The following FUT9 variants were observed in gnomAD, a reference collection of about 807,000 sequenced individuals.
FUT9 encodes the protein 4-galactosyl-N-acetylglucosaminide 3-alpha-L-fucosyltransferase 9.
In FUT9, 15 loss-of-function variants were observed where a neutral mutation model predicts 29.7. The ratio of observed to expected loss-of-function variants is 0.51; its 90% CI spans 0.34 to 0.78. FUT9 has a LOEUF of 0.78. FUT9 is among the 30% of genes least tolerant of loss of function. The probability of loss-of-function intolerance (pLI) is 0.01; values close to 1 mark genes in which losing one functional copy is unlikely to be tolerated. For synonymous variants in FUT9, 169 were observed against 153.7 expected (o/e 1.10, Z -0.74); for missense variants, 319 against 425.4 (o/e 0.75, Z 2.20).
intron 2 of FUT9, among the ~76,000 whole-genome samples, chr6:96,120,269 C>CTTTTTTTTTTTTTTTTTTTTT (rs11347804): frequency 8.7e-5 from 8 of 91,470 alleles, no homozygotes; most frequent in Non-Finnish European, 1.3e-4. Flanking sequence ...TTTTTTCTTT[C>CTTTTTTTTTTTTTTTTTTTTT]TTTTTTTTTT....
intron 1 of FUT9, among the ~76,000 whole-genome samples, chr6:96,058,468 C>CAAA (rs3079049): frequency 0.017 from 1,285 of 77,150 alleles, 93 homozygotes; most frequent in African/African-American, 0.07. Flanking sequence ...GGCTTTATTC[C>CAAA]AAAAAAAAAA....
At chr6:96,060,174 T>C (rs1770847806) in intron 1 of FUT9, among the ~76,000 whole-genome samples, 2 of 152,194 alleles carry the variant, frequency 1.3e-5, no homozygotes, top group Non-Finnish European at 2.9e-5. Flanking sequence ...CCTTTCCATT[T>C]AGTGTCAAAC....
chr6:96,108,536 A>T (rs1044579325), intron 1 of FUT9, among the ~76,000 whole-genome samples: 1 of 152,124 alleles, frequency 6.6e-6, no homozygotes, highest in Non-Finnish European at 1.5e-5. Flanking sequence ...ACTACGTGTT[A>T]TTATTATTAG....
intron 1 of FUT9, among the ~76,000 whole-genome samples, chr6:96,022,954 G>C (rs565910397): frequency 6.6e-6 from 1 of 151,812 alleles, no homozygotes; most frequent in Non-Finnish European, 1.5e-5. Flanking sequence ...TTTTCCTGGG[G>C]CTCCAATTAG....
At chr6:96,085,638 T>A (rs1415753159) in intron 1 of FUT9, among the ~76,000 whole-genome samples, 2 of 152,146 alleles carry the variant, frequency 1.3e-5, no homozygotes, top group Non-Finnish European at 2.9e-5. Flanking sequence ...GTGGACTAGA[T>A]GCAGTCATAA....
chr6:96,202,080 G>A (rs181061895), intron 2 of FUT9, among the ~76,000 whole-genome samples: 23 of 151,570 alleles, frequency 1.5e-4, no homozygotes, highest in African/African-American at 4.1e-4. Flanking sequence ...TATTATTTTC[G>A]TAAGAGAAGC....
chr6:96,180,233 A>C (rs1773280069), intron 2 of FUT9, among the ~76,000 whole-genome samples: 1 of 152,088 alleles, frequency 6.6e-6, no homozygotes, highest in Non-Finnish European at 1.5e-5. Flanking sequence ...ATCCCAGGTT[A>C]CTTACATGTA....
At chr6:96,142,511 C>CTTCAATGAAGTGCTATTCAAAGG (rs1335758612) in intron 2 of FUT9, among the ~76,000 whole-genome samples, 10 of 152,134 alleles carry the variant, frequency 6.6e-5, no homozygotes, top group Non-Finnish European at 7.3e-5. Context: ...TCCGGACAGA[C>CTTCAATGAAGTGCTATTCAAAGG]TTCAATGAAG....
At chr6:96,178,954 A>G (rs1481237090) in intron 2 of FUT9, among the ~76,000 whole-genome samples, 1 of 152,088 alleles carries the variant, frequency 6.6e-6, no homozygotes, top group Non-Finnish European at 1.5e-5. Context: ...CTTTGATTTC[A>G]CAGTTATCAA....
chr6:96,108,253 T>C (rs903767330), intron 1 of FUT9, among the ~76,000 whole-genome samples: 4 of 152,158 alleles, frequency 2.6e-5, no homozygotes, highest in South Asian at 2.1e-4. Context: ...AAAGAAATTA[T>C]TTAGAGCCAA....
intron 1 of FUT9, among the ~76,000 whole-genome samples, chr6:96,058,391 C>A (rs1770812788): frequency 6.8e-6 from 1 of 146,292 alleles, no homozygotes; most frequent in Non-Finnish European, 1.5e-5. Context: ...AAAGAAAACC[C>A]CTTTTCACAA....
At chr6:96,065,763 A>C (rs1027696240) in intron 1 of FUT9, among the ~76,000 whole-genome samples, 4 of 152,150 alleles carry the variant, frequency 2.6e-5, no homozygotes, top group Non-Finnish European at 4.4e-5. Flanking sequence ...ACTTTATTAG[A>C]AAGTTTGGTC....
At chr6:96,203,102 T>G in intron 2 of FUT9, 46 bp from the exon 3 acceptor site, 1 of 1,438,280 alleles carries the variant, frequency 7.0e-7, no homozygotes, top group Non-Finnish European at 9.4e-7. Flanking sequence ...TGATTTTCTC[T>G]TCATTCCCAC....
intron 1 of FUT9, among the ~76,000 whole-genome samples, chr6:96,079,662 T>A (rs929296281): frequency 1.3e-5 from 2 of 152,120 alleles, no homozygotes; most frequent in Non-Finnish European, 2.9e-5. Flanking sequence ...ACATTTAGGA[T>A]AATAATCCTA....
At chr6:96,029,419 C>T (rs1234327678) in intron 1 of FUT9, among the ~76,000 whole-genome samples, 3 of 151,408 alleles carry the variant, frequency 2.0e-5, no homozygotes, top group East Asian at 3.9e-4. Context: ...AAGGGATTGG[C>T]TGCCACTTCA....
intron 2 of FUT9, among the ~76,000 whole-genome samples, chr6:96,139,380 T>C (rs1451955666): frequency 6.6e-6 from 1 of 152,198 alleles, no homozygotes; most frequent in Admixed American, 6.5e-5. Flanking sequence ...CCTGGCTGTT[T>C]TCATGCTCTG....
chr6:96,074,761 G>A lies in FUT9; in HGVS notation c.-97-39278G>A, dbSNP rs565244280. 3.3e-5 allele frequency among the ~76,000 whole-genome samples: 5 copies of A among 151,966 alleles called. No homozygotes were observed. The South Asian group carries it at 1.0e-3, about 32-fold the overall frequency. On this transcript the variant is annotated intron_variant, in intron 1 of 2. Coordinates refer to ENST00000302103, the MANE Select transcript of FUT9 (RefSeq NM_006581.4). ...ATATAGGCAATAAAGTAATTAGATGGTTTTAGTTTTAATTTAATTATTGTT... is the reference window on the plus strand; with the variant it reads ...ATATAGGCAATAAAGTAATTAGATGATTTTAGTTTTAATTTAATTATTGTT...
chr6:96,110,744 C>T (rs2127960492), intron 1 of FUT9, among the ~76,000 whole-genome samples: 1 of 152,284 alleles, frequency 6.6e-6, no homozygotes, highest in African/African-American at 2.4e-5. Flanking sequence ...TAACCTCAAA[C>T]TCCTGGGCTC....
chr6:96,200,588 C>A (rs1773710739), intron 2 of FUT9, among the ~76,000 whole-genome samples: 1 of 152,228 alleles, frequency 6.6e-6, no homozygotes, highest in African/African-American at 2.4e-5. Flanking sequence ...CATTTATAAC[C>A]TGATTATATT....
Sources: allele counts gnomAD v4.1 joint callset (sites outside exome capture counted in the v4.1 genomes callset), GRCh38; gene constraint gnomAD v4.1.1; transcripts MANE v1.5; gene names NCBI Gene and HGNC (gene_info 2026-07-23, HGNC 2026-07-21).